The following PON2 variants were observed in gnomAD, a reference collection of about 807,000 sequenced individuals.
PON2 encodes paraoxonase 2, also known as serum paraoxonase/arylesterase 2.
A neutral mutation model predicts 36.6 loss-of-function variants in PON2; 27 were observed. The ratio of observed to expected loss-of-function variants is 0.74; its 90% CI spans 0.54 to 1.02. PON2 has a LOEUF of 1.02. Ranked by LOEUF, PON2 falls within the 50% of genes least tolerant of loss-of-function variation. PON2 has a pLI of 0.00. For missense variants in PON2, 363 were observed against 421.1 expected, an observed-to-expected ratio of 0.86 and a Z score of 1.21; for synonymous variants, 149 against 156.3, an observed-to-expected ratio of 0.95 and a Z score of 0.35.
intron 3 of PON2, among the ~76,000 whole-genome samples, chr7:95,413,594 A>G (rs1234882963): frequency 6.6e-6 from 1 of 152,174 alleles, no homozygotes; most frequent in Non-Finnish European, 1.5e-5. Context: ...TCTCTTTTAA[A>G]TCAGTTAATA....
At chr7:95,412,603 C>CA (rs895686262) in intron 3 of PON2, 126 bp from the exon 4 acceptor site, 3 of 907,550 alleles carry the variant, frequency 3.3e-6, no homozygotes, top group African/African-American at 1.7e-5. Context: ...CACAAAAACT[C>CA]AAAAAACAGA....
At chr7:95,416,057 G>T in intron 3 of PON2, 185 bp downstream of exon 3, 1 of 1,056,036 alleles carries the variant, frequency 9.5e-7, no homozygotes, top group Non-Finnish European at 1.4e-6. Context: ...ATCTCAATGG[G>T]CAAAGAGTCT....
intron 5 of PON2, 32 bp from the exon 6 acceptor site, chr7:95,410,133 C>G: frequency 2.5e-5 from 39 of 1,546,580 alleles, no homozygotes; most frequent in South Asian, 6.7e-5. Context: ...TGAGAGGAAA[C>G]AAAAGGCCTG....
At chr7:95,434,758 C>T in intron 1 of PON2, 120 bp downstream of exon 1, 3 of 1,140,598 alleles carry the variant, frequency 2.6e-6, no homozygotes, top group East Asian at 3.0e-5. Flanking sequence ...AAATTCTCCA[C>T]CCCCGGCCGC....
At chr7:95,434,176 G>A in intron 1 of PON2, 1 of 152,318 alleles carries the variant, frequency 6.6e-6, no homozygotes, top group Non-Finnish European at 1.5e-5. Context: ...GGGCAATACA[G>A]CAAGACCCCA....
intron 2 of PON2, chr7:95,418,278 C>T (rs1475213060): frequency 6.6e-6 from 1 of 152,204 alleles, no homozygotes; most frequent in Non-Finnish European, 1.5e-5. Context: ...TGTAAATACC[C>T]TGCATACAAT....
chr7:95,415,427 T>C lies in PON2; in HGVS notation c.201+815A>G, dbSNP rs548392242. 2.6e-4 allele frequency among the ~76,000 whole-genome samples: 40 copies of C among 152,240 alleles called. No homozygotes were observed. In the East Asian group the frequency reaches 7.7e-3, roughly 29 times the overall value. ...AAGAATCAAGGCAAAATGAAGGGTG[T>C]AAATAAACTCAATGACTTTCCACTT... On this transcript the variant is annotated intron_variant, in intron 3 of 8. Transcript: ENST00000222572.
intron 6 of PON2, chr7:95,409,567 TATG>T (rs1809811967): frequency 6.5e-6 from 1 of 152,848 alleles, no homozygotes; most frequent in Non-Finnish European, 1.4e-5. Context: ...TATGCATCAG[TATG>T]ATCACACTTT....
intron 1 of PON2, among the ~76,000 whole-genome samples, chr7:95,425,374 T>C (rs1789292907): frequency 6.6e-6 from 1 of 152,082 alleles, no homozygotes; most frequent in South Asian, 2.1e-4. Context: ...TAGGATGTCT[T>C]CCCCCTCCCT....
In PON2 at chr7:95,405,063, G is replaced by C. The variant is rs1809640529; in HGVS notation, c.*267C>G. ...ATGTTCTGGCAGTTGGAAGGCAAAG[G>C]TGAGGCTTACTTTGTGCAAAATGTA... On this transcript the variant is annotated 3_prime_UTR_variant, in exon 9 of 9. Coordinates refer to ENST00000222572, the MANE Select transcript of PON2 (RefSeq NM_000305.3). 2 of 378,110 alleles carry C rather than the reference G, an allele frequency of 5.3e-6. No homozygotes were observed. Among genetic ancestry groups the C allele is most frequent in the Non-Finnish European group, 9.9e-6 (2 of 201,616 alleles). The allele number at this position is 378,110 out of a possible 1,614,324, so 23.4% of individuals were successfully genotyped here. A position where few individuals can be genotyped will look rare whatever the true frequency, so the allele number is the denominator to read the frequency against.
chr7:95,429,544 A>G (rs1384049085), intron 1 of PON2, among the ~76,000 whole-genome samples: 1 of 152,176 alleles, frequency 6.6e-6, no homozygotes, highest in Non-Finnish European at 1.5e-5. Flanking sequence ...CATTCAGGAA[A>G]CAGCAGTACC....
rs73708290 is a variant in PON2, at chr7:95,418,808, T to C, written c.146-2511A>G. ...GTCACTCTTATTGTGTGCTTGACTC[T>C]CTCCCTCCCCTTCATCGGTTCTCTC... On this transcript the variant is annotated intron_variant, in intron 2 of 8. Coordinates refer to ENST00000222572, the MANE Select transcript of PON2 (RefSeq NM_000305.3). 8.9e-3 allele frequency among the ~76,000 whole-genome samples: 1,359 copies of C among 152,266 alleles called. 20 individuals carry two copies. The highest frequency in any genetic ancestry group is 0.031 in the African/African-American group (1,295 of 41,548).
At chr7:95,430,391 C>T (rs1427010850) in intron 1 of PON2, among the ~76,000 whole-genome samples, 1 of 151,774 alleles carries the variant, frequency 6.6e-6, no homozygotes, top group Non-Finnish European at 1.5e-5. Context: ...ACCTCCGCCT[C>T]CCGGGTTCAA....
At chr7:95,418,507 G>A (rs896936981) in intron 2 of PON2, 1 of 152,128 alleles carries the variant, frequency 6.6e-6, no homozygotes, top group African/African-American at 2.4e-5. Flanking sequence ...AAATTCAATT[G>A]TGGTCAATTC....
intron 3 of PON2, among the ~76,000 whole-genome samples, chr7:95,414,453 T>C (rs931665257): frequency 2.2e-4 from 34 of 152,190 alleles, no homozygotes; most frequent in Admixed American, 2.0e-3. Context: ...GATATGGCTA[T>C]AAGATCTTTG....
chr7:95,407,165 T>C (rs1043481354), intron 6 of PON2, 97 bp from the exon 7 acceptor site: 109 of 776,648 alleles, frequency 1.4e-4, no homozygotes, highest in Middle Eastern at 2.4e-4. Context: ...GCCAAGAAGT[T>C]AATCAATCAT....
rs17876061 is a variant in PON2, at chr7:95,433,588, T to C, written c.74+1290A>G. On this transcript the variant is annotated intron_variant, in intron 1 of 8. Coordinates refer to ENST00000222572, the MANE Select transcript of PON2 (RefSeq NM_000305.3). Reference sequence around the variant, plus strand: ...CCAATATTTCCCTTTTGAAGCACTATTGGGCCTATGAAAGTGGGGCCCCAT... The same window carrying C: ...CCAATATTTCCCTTTTGAAGCACTACTGGGCCTATGAAAGTGGGGCCCCAT... Among the ~76,000 whole-genome samples the C allele has an allele frequency of 6.2e-3, 896 of 145,654 alleles. 8 individuals are homozygous for C. The highest frequency in any genetic ancestry group is 0.047 in the South Asian group (203 of 4,344).
chr7:95,416,199 T>C (rs1281710249), intron 3 of PON2, 43 bp downstream of exon 3: 7 of 1,611,486 alleles, frequency 4.3e-6, no homozygotes, highest in Non-Finnish European at 5.9e-6. Flanking sequence ...CAAATACCCT[T>C]GTATCTCCTC....
chr7:95,414,869 TAC>T (rs1789024419), intron 3 of PON2, among the ~76,000 whole-genome samples: 1 of 152,198 alleles, frequency 6.6e-6, no homozygotes, highest in Non-Finnish European at 1.5e-5. Flanking sequence ...AAAAACTAAA[TAC>T]ATATACTGGT....
Sources: allele counts gnomAD v4.1 joint callset (sites outside exome capture counted in the v4.1 genomes callset), GRCh38; gene constraint gnomAD v4.1.1; transcripts MANE v1.5; gene names NCBI Gene and HGNC (gene_info 2026-07-23, HGNC 2026-07-21).